KDM2A: variants seen among roughly 807,000 people sequenced by gnomAD.
KDM2A encodes lysine-specific demethylase 2A.
Under a neutral mutation model 137.3 loss-of-function variants are expected in KDM2A, and 3 were observed. The observed-to-expected ratio is 0.02, with a 90% CI of 0.01 to 0.06. KDM2A has a LOEUF of 0.06. Among genes scored for constraint, KDM2A ranks in the 10% least tolerant of loss-of-function variants. KDM2A has a pLI of 1.00. For synonymous variants in KDM2A, 512 were observed against 541.5 expected (o/e 0.95, Z 0.76); for missense variants, 738 against 1,510.6 (o/e 0.49, Z 8.48).
intron 12 of KDM2A, chr11:67,240,012 T>TCACTCTCGCTCGGCTCCCC (rs1456824307): frequency 7.8e-7 from 1 of 1,278,786 alleles, no homozygotes; most frequent in East Asian, 3.0e-5. Context: ...CCTGGCTCGC[T>TCACTCTCGCTCGGCTCCCC]CACTCTCGCT....
intron 11 of KDM2A, among the ~76,000 whole-genome samples, chr11:67,228,383 T>C (rs1195904098): frequency 6.6e-6 from 1 of 152,166 alleles, no homozygotes; most frequent in Admixed American, 6.6e-5. Flanking sequence ...GAGTTGCTAT[T>C]ACTTAGCTCC....
intron 6 of KDM2A, among the ~76,000 whole-genome samples, chr11:67,214,790 G>A (rs374194059): frequency 2.0e-5 from 3 of 152,300 alleles, no homozygotes; most frequent in African/African-American, 7.2e-5. Context: ...TTTTATAGAT[G>A]AGTTTGAGGG....
rs373973391 is a variant in KDM2A, at chr11:67,207,711, T to C, written c.486+23T>C. ...ACGGTTAGTGTAATCATTTTCTTCA[T>C]ATTGTCATTGTCACCAAAAGGGTTG... On this transcript the variant is annotated intron_variant, in intron 6 of 20. Coordinates refer to ENST00000529006, the MANE Select transcript of KDM2A (RefSeq NM_012308.3). 1.0e-4 allele frequency: 162 copies of C among 1,557,664 alleles called. No individual in the cohort carries two copies. The African/African-American group carries it at 2.1e-3, about 20-fold the overall frequency.
intron 5 of KDM2A, among the ~76,000 whole-genome samples, chr11:67,190,188 TC>T (rs1265224092): frequency 6.6e-6 from 1 of 152,184 alleles, no homozygotes; most frequent in Admixed American, 6.5e-5. Context: ...GGCGGGTGGA[TC>T]ACCTGAGGTG....
intron 2 of KDM2A, among the ~76,000 whole-genome samples, chr11:67,153,151 A>AT: frequency 6.6e-6 from 1 of 152,034 alleles, no homozygotes; most frequent in Non-Finnish European, 1.5e-5. Flanking sequence ...CGCCCAGCTA[A>AT]TTTTTGTATT....
chr11:67,240,049 T>G, intron 12 of KDM2A: 1 of 1,309,658 alleles, frequency 7.6e-7, no homozygotes, highest in Non-Finnish European at 9.7e-7. Flanking sequence ...CATCTTCCGT[T>G]GCAAAGCATT....
At chr11:67,194,226 A>G (rs1857427490) in intron 5 of KDM2A, among the ~76,000 whole-genome samples, 1 of 152,208 alleles carries the variant, frequency 6.6e-6, no homozygotes, top group Admixed American at 6.5e-5. Context: ...GACAGCAAAT[A>G]AAAATCCTGG....
intron 9 of KDM2A, among the ~76,000 whole-genome samples, chr11:67,219,046 A>G (rs1210508769): frequency 1.3e-5 from 2 of 152,226 alleles, no homozygotes; most frequent in Non-Finnish European, 2.9e-5. Flanking sequence ...GTAAACGTTT[A>G]TTATGTGCTA....
rs905596763 is a variant in KDM2A, at chr11:67,119,346, A to AGCGGCGGCGGCGGCG, written c.-781_-767dup. ...GAGGGAAACAACACCCCTCCCCGGCAGCGGCGGCGGCGGCGGCGGCTCTCG... is the reference window on the plus strand; with the variant it reads ...GAGGGAAACAACACCCCTCCCCGGCAGCGGCGGCGGCGGCGGCGGCGGCGGCGGCGGCGGCTCTCG... On this transcript the variant is annotated 5_prime_UTR_variant, in exon 1 of 21. Transcript: ENST00000529006. 2 of 166,196 alleles carry AGCGGCGGCGGCGGCG rather than the reference A, an allele frequency of 1.2e-5. No homozygotes were observed. Among genetic ancestry groups the AGCGGCGGCGGCGGCG allele is most frequent in the African/African-American group, 4.8e-5 (2 of 41,346 alleles). 10.3% of individuals were successfully genotyped at this position (166,196 alleles called of 1,614,324 possible).
intron 2 of KDM2A, among the ~76,000 whole-genome samples, chr11:67,132,494 C>T (rs1427487383): frequency 6.6e-6 from 1 of 152,090 alleles, no homozygotes; most frequent in Non-Finnish European, 1.5e-5. Flanking sequence ...CTATTATTGG[C>T]CAGGCTGGTC....
At chr11:67,231,229 TA>T (rs1212120015) in intron 11 of KDM2A, among the ~76,000 whole-genome samples, 1 of 152,266 alleles carries the variant, frequency 6.6e-6, no homozygotes, top group East Asian at 1.9e-4. Context: ...AATGAAATAA[TA>T]ATCCCAGATT....
intron 15 of KDM2A, among the ~76,000 whole-genome samples, chr11:67,246,683 C>G (rs190414981): frequency 1.3e-5 from 2 of 152,226 alleles, no homozygotes; most frequent in Admixed American, 1.3e-4. Context: ...ATTGTGCAGC[C>G]TTTGTGGAGA....
intron 2 of KDM2A, among the ~76,000 whole-genome samples, chr11:67,127,004 T>C (rs1855746211): frequency 6.6e-6 from 1 of 152,214 alleles, no homozygotes. Context: ...CTGATGCAAG[T>C]TTGTATACCT....
intron 10 of KDM2A, among the ~76,000 whole-genome samples, chr11:67,219,883 G>A (rs1324267544): frequency 3.3e-5 from 5 of 151,870 alleles, no homozygotes; most frequent in South Asian, 2.1e-4. Context: ...TACATACTCC[G>A]TTTTAGGGAC....
At chr11:67,134,853 A>G (rs756945406) in intron 2 of KDM2A, among the ~76,000 whole-genome samples, 2 of 152,158 alleles carry the variant, frequency 1.3e-5, no homozygotes, top group African/African-American at 2.4e-5. Flanking sequence ...GCAGTCTCAC[A>G]TTGTGTTTCC....
rs1246860410 is a variant in KDM2A at position 67,122,487 on chromosome 11, C to T, written c.42+1129C>T. Among the ~76,000 whole-genome samples the T allele has an allele frequency of 3.9e-5, 6 of 151,976 alleles. No homozygotes were observed. The East Asian group carries it at 9.7e-4, about 24-fold the overall frequency. ...GACTGTAGGCATGTGCCACCACGTCCAGCTAATTTTTGTATTTTTAGTAGA... is the reference window on the plus strand; with the variant it reads ...GACTGTAGGCATGTGCCACCACGTCTAGCTAATTTTTGTATTTTTAGTAGA... On this transcript the variant is annotated intron_variant, in intron 2 of 20. Coordinates refer to ENST00000529006, the MANE Select transcript of KDM2A (RefSeq NM_012308.3).
At chr11:67,248,222 T>A in intron 15 of KDM2A, 59 bp from the exon 16 acceptor site, 1 of 1,210,656 alleles carries the variant, frequency 8.3e-7, no homozygotes, top group Non-Finnish European at 1.2e-6. Context: ...AACTGTGTTA[T>A]TGTTGGATAA....
chr11:67,141,394 C>T lies in KDM2A; in HGVS notation c.42+20036C>T, dbSNP rs561928772. Among the ~76,000 whole-genome samples the T allele has an allele frequency of 1.6e-3, 250 of 151,900 alleles. 1 individual carries two copies. Among genetic ancestry groups the T allele is most frequent in the African/African-American group, 5.6e-3 (233 of 41,474 alleles). ...ACAATTCATTGTTATTGGCCGGGCGCGGTGGCTCACGCCTGTAATCCCAGC... is the reference window on the plus strand; with the variant it reads ...ACAATTCATTGTTATTGGCCGGGCGTGGTGGCTCACGCCTGTAATCCCAGC... On this transcript the variant is annotated intron_variant, in intron 2 of 20. Coordinates refer to ENST00000529006, the MANE Select transcript of KDM2A (RefSeq NM_012308.3).
chr11:67,134,455 C>T (rs937990244), intron 2 of KDM2A, among the ~76,000 whole-genome samples: 4 of 152,040 alleles, frequency 2.6e-5, no homozygotes, highest in Non-Finnish European at 5.9e-5. Context: ...TGCATGTTTC[C>T]GTCCTGATTA....
Sources: allele counts gnomAD v4.1 joint callset (sites outside exome capture counted in the v4.1 genomes callset), GRCh38; gene constraint gnomAD v4.1.1; transcripts MANE v1.5; gene names NCBI Gene and HGNC (gene_info 2026-07-23, HGNC 2026-07-21).